Variants in DNAJC5B observed in about 807,000 individuals in gnomAD.
DNAJC5B encodes the protein DnaJ heat shock protein family (Hsp40) member C5 beta, also known as dnaJ homolog subfamily C member 5B.
A neutral mutation model predicts 24.7 loss-of-function variants in DNAJC5B; 23 were observed. That is an observed-to-expected ratio of 0.93 (90% CI 0.67 to 1.32). The LOEUF (loss-of-function observed/expected upper bound fraction) is 1.32. DNAJC5B is among the 40% of genes most tolerant of loss of function. The pLI, the probability that DNAJC5B is intolerant of heterozygous loss-of-function variation, is 0.00. For synonymous variants in DNAJC5B, 101 were observed against 90.1 expected, an observed-to-expected ratio of 1.12 and a Z score of -0.68; for missense variants, 238 against 240.8, an observed-to-expected ratio of 0.99 and a Z score of 0.08.
chr8:66,022,770 C>T (rs910238762), intron 1 of DNAJC5B, among the ~76,000 whole-genome samples: 2 of 152,196 alleles, frequency 1.3e-5, no homozygotes, highest in African/African-American at 4.8e-5. Context: ...GCAAAATATA[C>T]TTGCACATAA....
At chr8:66,022,535 G>C (rs147159774) in intron 1 of DNAJC5B, among the ~76,000 whole-genome samples, 2 of 152,298 alleles carry the variant, frequency 1.3e-5, no homozygotes, top group African/African-American at 4.8e-5. Context: ...GTGGGAGTAA[G>C]AGTCCATGTT....
intron 1 of DNAJC5B, among the ~76,000 whole-genome samples, chr8:66,036,889 G>T (rs1235316738): frequency 1.3e-5 from 2 of 152,236 alleles, no homozygotes; most frequent in Non-Finnish European, 2.9e-5. Flanking sequence ...GCCTGGGGCA[G>T]GGGGACCTGT....
chr8:66,051,936 G>A (rs2128959910), intron 3 of DNAJC5B, among the ~76,000 whole-genome samples: 1 of 152,068 alleles, frequency 6.6e-6, no homozygotes, highest in South Asian at 2.1e-4. Context: ...AGAGAGAAAT[G>A]AGTGAACCAA....
chr8:66,048,567 G>A (rs1806775629), intron 2 of DNAJC5B, among the ~76,000 whole-genome samples: 2 of 152,002 alleles, frequency 1.3e-5, no homozygotes, highest in South Asian at 4.2e-4. Flanking sequence ...GCATCATCTG[G>A]TCTAAACTCC....
In DNAJC5B at chr8:66,043,520, T is replaced by A. The variant is rs934343182; in HGVS notation, c.-109T>A. 1 of 152,202 alleles carries A rather than the reference T, an allele frequency of 6.6e-6. No homozygotes were observed. Among genetic ancestry groups the A allele is most frequent in the Non-Finnish European group, 1.5e-5 (1 of 68,056 alleles). 9.4% of individuals were successfully genotyped at this position (152,202 alleles called of 1,614,324 possible). A position where few individuals can be genotyped will look rare whatever the true frequency, so the allele number is the denominator to read the frequency against. Reference sequence around the variant, plus strand: ...ACCAATTGGCTGGCAAAGTAACAAATGAAAAGTAACCTGACTCTATTGACC... The same window carrying A: ...ACCAATTGGCTGGCAAAGTAACAAAAGAAAAGTAACCTGACTCTATTGACC... On this transcript the variant is annotated 5_prime_UTR_variant, in exon 2 of 6. An upstream start codon of the reference 5' UTR is lost. Coordinates refer to ENST00000276570, the MANE Select transcript of DNAJC5B (RefSeq NM_033105.6).
intron 5 of DNAJC5B, among the ~76,000 whole-genome samples, chr8:66,095,743 TG>T (rs1807938924): frequency 1.3e-5 from 2 of 151,782 alleles, no homozygotes; most frequent in Non-Finnish European, 1.5e-5. Context: ...AAATATTTTC[TG>T]ATTTCTATTA....
intron 1 of DNAJC5B, among the ~76,000 whole-genome samples, chr8:66,036,673 A>G (rs566907125): frequency 6.6e-6 from 1 of 152,282 alleles, no homozygotes; most frequent in South Asian, 2.1e-4. Flanking sequence ...TTCTTTATGA[A>G]CACCAGAGGG....
In DNAJC5B at chr8:66,080,537, A is replaced by T; in HGVS notation, c.494A>T (p.Asp165Val). The T allele has an allele frequency of 6.2e-7, 1 of 1,608,162 alleles. No individual in the cohort carries two copies. Among genetic ancestry groups the T allele is most frequent in the Non-Finnish European group, 8.5e-7 (1 of 1,177,088 alleles). Residue 165 changes from aspartate (D) to valine (V), a missense_variant, in exon 5 of 6, where the codon GAC (aspartate) becomes GTC (valine). By Grantham distance (152) the Asp-to-Val change is radical. Coordinates refer to ENST00000276570, the MANE Select transcript of DNAJC5B (RefSeq NM_033105.6). ...PEDLEEQIKSDMEKDVDFPVF... is the reference protein window; with the variant it reads ...PEDLEEQIKSVMEKDVDFPVF... The stretch of plus-strand genomic sequence containing the variant: ...GATCTGGAGGAGCAGATCAAGTCTG[A>T]CATGGAAAAAGGTGGGGTAGGATGA...
At chr8:66,029,622 C>A (rs1806317979) in intron 1 of DNAJC5B, among the ~76,000 whole-genome samples, 1 of 152,118 alleles carries the variant, frequency 6.6e-6, no homozygotes, top group Non-Finnish European at 1.5e-5. Context: ...AGGGTAGTGA[C>A]CAAGTTCACT....
intron 3 of DNAJC5B, among the ~76,000 whole-genome samples, chr8:66,075,153 A>AC (rs1807433654): frequency 6.6e-6 from 1 of 151,496 alleles, no homozygotes; most frequent in African/African-American, 2.4e-5. Context: ...TGCAACCTCC[A>AC]CCTCCCGGGT....
upstream of DNAJC5B, among the ~76,000 whole-genome samples, chr8:66,020,038 G>C: frequency 6.6e-6 from 1 of 152,192 alleles, no homozygotes; most frequent in East Asian, 1.9e-4. Flanking sequence ...GTTACTCAAA[G>C]GGTTGCTTAA....
chr8:66,080,760 T>C (rs1807578753), intron 5 of DNAJC5B, among the ~76,000 whole-genome samples: 1 of 152,110 alleles, frequency 6.6e-6, no homozygotes, highest in African/African-American at 2.4e-5. Context: ...CTGATGCCGT[T>C]AGAAAGAAAA....
chr8:66,055,085 G>A (rs564329444), intron 3 of DNAJC5B, among the ~76,000 whole-genome samples: 1 of 152,128 alleles, frequency 6.6e-6, no homozygotes, highest in East Asian at 1.9e-4. Flanking sequence ...TGTTAATTAA[G>A]GCATTAATTA....
At chr8:66,074,797 C>T (rs1376392615) in intron 3 of DNAJC5B, among the ~76,000 whole-genome samples, 1 of 152,198 alleles carries the variant, frequency 6.6e-6, no homozygotes, top group African/African-American at 2.4e-5. Flanking sequence ...GCTGTCTCTG[C>T]TCACCATACT....
intron 2 of DNAJC5B, among the ~76,000 whole-genome samples, chr8:66,044,391 A>G (rs1207526003): frequency 6.6e-6 from 1 of 152,182 alleles, no homozygotes; most frequent in Non-Finnish European, 1.5e-5. Context: ...CTCAGTTGTG[A>G]AGGGACCCTG....
At chr8:66,051,784 A>C (rs758583924) in intron 3 of DNAJC5B, 118 bp downstream of exon 3, 95 of 735,668 alleles carry the variant, frequency 1.3e-4, no homozygotes, top group Non-Finnish European at 2.1e-4. Flanking sequence ...TTTTAGATCC[A>C]ATGTTCCCTG....
At chr8:66,039,629 C>T (rs1465179649) in intron 1 of DNAJC5B, among the ~76,000 whole-genome samples, 1 of 152,162 alleles carries the variant, frequency 6.6e-6, no homozygotes, top group Non-Finnish European at 1.5e-5. Flanking sequence ...GGATTACAGG[C>T]ATGAGCCACT....
At position 66,096,516 on chromosome 8, in the gene DNAJC5B, C is replaced by T. The variant is rs369036936; in HGVS notation, c.506-3421C>T. Among the ~76,000 whole-genome samples, 30 of 152,058 alleles carry T rather than the reference C, an allele frequency of 2.0e-4. No individual in the cohort carries two copies. In the South Asian group the frequency reaches 2.7e-3, roughly 14 times the overall value. ...TTTCTATTTCTCTATAAAGTTCTTT[C>T]GATTTTTGATTTATGATTTTGATTT... On this transcript the variant is annotated intron_variant, in intron 5 of 5. Transcript: ENST00000276570.
At chr8:66,092,158 G>GT (rs1807861909) in intron 5 of DNAJC5B, among the ~76,000 whole-genome samples, 1 of 152,202 alleles carries the variant, frequency 6.6e-6, no homozygotes, top group Non-Finnish European at 1.5e-5. Context: ...AAAGTGGTTG[G>GT]TTTTAAGTTA....
Sources: gnomAD v4.1 joint callset for allele counts (sites outside exome capture counted in the v4.1 genomes callset) on GRCh38, gnomAD v4.1.1 for gene constraint, MANE v1.5 for transcripts, NCBI Gene and HGNC (gene_info 2026-07-23, HGNC 2026-07-21) for gene names.